ERI1: variants seen among roughly 807,000 people sequenced by gnomAD.
ERI1 encodes exoribonuclease 1.
A neutral mutation model predicts 39.7 loss-of-function variants in ERI1; 39 were observed. That is an observed-to-expected ratio of 0.98 (90% CI 0.76 to 1.28). The LOEUF is 1.28. ERI1 is among the 50% of genes most tolerant of loss of function. The pLI is 0.00. For missense variants in ERI1, 581 were observed against 416.9 expected (o/e 1.39, Z -3.43); for synonymous variants, 204 against 149.6 (o/e 1.36, Z -2.65).
At chr8:9,010,886 A>C (rs1816596044) in intron 2 of ERI1, among the ~76,000 whole-genome samples, 1 of 152,284 alleles carries the variant, frequency 6.6e-6, no homozygotes, top group African/African-American at 2.4e-5. Flanking sequence ...ATCATATTCT[A>C]CCCATGATAA....
intron 3 of ERI1, among the ~76,000 whole-genome samples, chr8:9,071,055 C>A (rs544095033): frequency 2.6e-5 from 4 of 152,280 alleles, no homozygotes; most frequent in African/African-American, 9.6e-5. Context: ...CTGTTGATTT[C>A]CAGTTTCCCA....
At chr8:9,073,297 A>G (rs1799112245) in intron 3 of ERI1, among the ~76,000 whole-genome samples, 1 of 152,180 alleles carries the variant, frequency 6.6e-6, no homozygotes, top group Admixed American at 6.5e-5. Flanking sequence ...GCAAGACACT[A>G]TTTGTTATTG....
chr8:9,003,056 C>G lies in ERI1; in HGVS notation c.-8C>G, dbSNP rs1172494051. ...CTCCAGCAACTCTCCTCTGGCGTGA[C>G]AGCCGGCATGGAGGATCCACAGAGT... On this transcript the variant is annotated 5_prime_UTR_variant, in exon 1 of 7. Transcript: ENST00000250263. 1 of 1,245,686 alleles carries G rather than the reference C, an allele frequency of 8.0e-7. No homozygotes were observed. The highest frequency in any genetic ancestry group is 1.5e-5 in the African/African-American group (1 of 64,580). The allele number at this position is 1,245,686 out of a possible 1,614,324, so 77.2% of individuals were successfully genotyped here.
chr8:9,080,336 G>T (rs1041052736), intron 3 of ERI1, among the ~76,000 whole-genome samples: 3 of 152,170 alleles, frequency 2.0e-5, no homozygotes, highest in African/African-American at 7.2e-5. Flanking sequence ...TAGTGTCTAG[G>T]AGCCTCTGTT....
chr8:9,072,578 ATC>A (rs1277464496), intron 3 of ERI1: 2 of 151,974 alleles, frequency 1.3e-5, no homozygotes, highest in Non-Finnish European at 2.9e-5. Flanking sequence ...CGCCGCCTCT[ATC>A]TCTGTCCCCT....
intron 1 of ERI1, among the ~76,000 whole-genome samples, chr8:9,005,549 C>G (rs6993244): frequency 0.4 from 58,281 of 145,302 alleles, 13,652 homozygotes; most frequent in East Asian, 0.71. Flanking sequence ...GAGTCTCTCT[C>G]TGTTGCCCAG....
chr8:9,006,486 C>G (rs896968391), intron 1 of ERI1, among the ~76,000 whole-genome samples: 2 of 152,184 alleles, frequency 1.3e-5, no homozygotes. Context: ...TTTTGGTAGA[C>G]AAACTGTTAC....
intron 3 of ERI1, among the ~76,000 whole-genome samples, chr8:9,056,135 C>T (rs972336897): frequency 1.3e-5 from 2 of 152,346 alleles, no homozygotes; most frequent in East Asian, 3.9e-4. Context: ...TTCGAGGAGA[C>T]ATCGTGAAGA....
intron 3 of ERI1, among the ~76,000 whole-genome samples, chr8:9,064,907 A>G (rs1798826165): frequency 6.6e-6 from 1 of 152,086 alleles, no homozygotes; most frequent in African/African-American, 2.4e-5. Context: ...GCGAAGGGAG[A>G]CAGGGGTGGG....
chr8:9,061,652 G>A (rs1798701395), intron 3 of ERI1, among the ~76,000 whole-genome samples: 3 of 152,230 alleles, frequency 2.0e-5, no homozygotes, highest in Non-Finnish European at 2.9e-5. Context: ...GGAAGGAAAG[G>A]AGTTGTTGTT....
At chr8:9,018,444 T>C (rs1473306509) in intron 5 of ERI1, 38 bp downstream of exon 5, 1 of 1,202,260 alleles carries the variant, frequency 8.3e-7, no homozygotes, top group East Asian at 2.4e-5. Context: ...ATATCTACTT[T>C]TTAAAGATTA....
At chr8:9,095,498 G>C (rs1383474345) in intron 3 of ERI1, among the ~76,000 whole-genome samples, 1 of 151,398 alleles carries the variant, frequency 6.6e-6, no homozygotes, top group African/African-American at 2.4e-5. Context: ...GTTGTTGTTT[G>C]TTTGTTTGTT....
intron 3 of ERI1, among the ~76,000 whole-genome samples, chr8:9,044,061 T>A (rs1585255332): frequency 1.3e-5 from 2 of 152,190 alleles, no homozygotes; most frequent in African/African-American, 4.8e-5. Context: ...TTACTTAACC[T>A]TTATGAGCTC....
At chr8:9,040,600 C>A (rs1053101304) in intron 3 of ERI1, among the ~76,000 whole-genome samples, 2 of 152,032 alleles carry the variant, frequency 1.3e-5, no homozygotes, top group Admixed American at 6.6e-5. Context: ...GCTGAGGCAC[C>A]CCTTAGAAGG....
chr8:9,045,878 C>T (rs1014321630), intron 3 of ERI1, among the ~76,000 whole-genome samples: 3 of 151,644 alleles, frequency 2.0e-5, no homozygotes, highest in South Asian at 2.1e-4. Flanking sequence ...GGGGTTGCAC[C>T]GTGTTGGCCA....
chr8:9,041,986 G>A (rs1426766020), intron 3 of ERI1, among the ~76,000 whole-genome samples: 3 of 152,108 alleles, frequency 2.0e-5, no homozygotes, highest in Non-Finnish European at 2.9e-5. Flanking sequence ...CTCCCACCTT[G>A]GCCTCCCAAA....
chr8:9,078,134 C>T (rs1399628908), intron 3 of ERI1, among the ~76,000 whole-genome samples: 4 of 152,122 alleles, frequency 2.6e-5, no homozygotes, highest in Admixed American at 6.5e-5. Flanking sequence ...GGACGACATG[C>T]GTGCGCCACC....
intron 3 of ERI1, among the ~76,000 whole-genome samples, chr8:9,087,169 C>T (rs1264918434): frequency 1.3e-5 from 2 of 151,952 alleles, no homozygotes; most frequent in Non-Finnish European, 2.9e-5. Flanking sequence ...CCACATGCAT[C>T]AGGTATTTGT....
chr8:9,007,601 T>A, intron 1 of ERI1, among the ~76,000 whole-genome samples: 1 of 152,326 alleles, frequency 6.6e-6, no homozygotes, highest in African/African-American at 2.4e-5. Flanking sequence ...TACCATTTTA[T>A]AGATAAGGAA....
Sources: gnomAD v4.1 joint callset for allele counts (sites outside exome capture counted in the v4.1 genomes callset) on GRCh38, gnomAD v4.1.1 for gene constraint, MANE v1.5 for transcripts, NCBI Gene and HGNC (gene_info 2026-07-23, HGNC 2026-07-21) for gene names.